Variants in C8B observed in about 807,000 individuals in gnomAD.
C8B encodes the protein complement C8 beta chain.
A neutral mutation model predicts 64.6 loss-of-function variants in C8B; 67 were observed. The observed-to-expected ratio is 1.04, with a 90% CI of 0.85 to 1.27. The LOEUF is 1.27. C8B is among the 50% of genes most tolerant of loss of function. The pLI, the probability that C8B is intolerant of heterozygous loss-of-function variation, is 0.00. For synonymous variants in C8B, 284 were observed against 257.7 expected (o/e 1.10, Z -0.98); for missense variants, 790 against 725.2 (o/e 1.09, Z -1.03).
intron 9 of C8B, among the ~76,000 whole-genome samples, chr1:56,937,005 C>A (rs1394444964): frequency 6.6e-6 from 1 of 152,168 alleles, no homozygotes; most frequent in Non-Finnish European, 1.5e-5. Flanking sequence ...TTAAGCACTC[C>A]CTGGACCAGA....
chr1:56,954,604 T>A, intron 4 of C8B, 82 bp downstream of exon 4: 1 of 1,550,582 alleles, frequency 6.4e-7, no homozygotes, highest in Middle Eastern at 1.7e-4. Flanking sequence ...TCTGTTTATA[T>A]CAGTTCTCTC....
Position 56,952,127 on chromosome 1 carries a change from T to C in C8B, c.587A>G (p.Tyr196Cys), listed in dbSNP as rs1645030928. The C allele has an allele frequency of 1.9e-6, 3 of 1,614,196 alleles. No individual in the cohort carries two copies. Among genetic ancestry groups the C allele is most frequent in the Non-Finnish European group, 2.5e-6 (3 of 1,180,018 alleles). ...GTAATGCGGGGAGCATCCACCTGCATAATACCTGTGATCAAGAACTGGGCC... is the reference window on the plus strand; with the variant it reads ...GTAATGCGGGGAGCATCCACCTGCACAATACCTGTGATCAAGAACTGGGCC... ...FEGPVLDHRY[Y>C]AGGCSPHYIL... The change falls in exon 5 of 12, where the codon TAT (tyrosine) becomes TGT (cysteine). Residue 196 changes from tyrosine to cysteine, a missense_variant. By Grantham distance (194) the Tyr-to-Cys change is radical. Coordinates refer to ENST00000371237, the MANE Select transcript of C8B (RefSeq NM_000066.4).
At chr1:56,954,508 C>T (rs1436512803) in intron 4 of C8B, among the ~76,000 whole-genome samples, 178 bp downstream of exon 4, 1 of 152,200 alleles carries the variant, frequency 6.6e-6, no homozygotes, top group African/African-American at 2.4e-5. Context: ...GGGACGTGTT[C>T]CTGGAGCTGC....
chr1:56,944,392 G>A (rs999245229), intron 7 of C8B, among the ~76,000 whole-genome samples: 6 of 152,080 alleles, frequency 3.9e-5, no homozygotes, highest in African/African-American at 1.2e-4. Flanking sequence ...AATTCCAGAC[G>A]TGACTTATAA....
At position 56,954,697 on chromosome 1, in the gene C8B, AC is replaced by A. The variant is rs1645076325; in HGVS notation, c.521del (p.Ser174IlefsTer6). On this transcript the variant is annotated frameshift_variant, in exon 4 of 12. Transcript: ENST00000371237. LOFTEE classifies it high-confidence loss of function. ...HEMDQYWGIG[S>X]LASGINLFTN... ...AAATGGTCACTTACCCACTGGCCAG[AC>A]TGCCAATTCCCCAGTATTGGTCCAT... The A allele has an allele frequency of 6.2e-7, 1 of 1,614,052 alleles. No homozygotes were observed. The highest frequency in any genetic ancestry group is 1.3e-5 in the African/African-American group (1 of 74,924).
At chr1:56,962,648 G>A (rs933441100) in intron 1 of C8B, among the ~76,000 whole-genome samples, 2 of 152,172 alleles carry the variant, frequency 1.3e-5, no homozygotes, top group African/African-American at 4.8e-5. Context: ...ATCCAGATTG[G>A]CAGTTGTTCA....
intron 7 of C8B, among the ~76,000 whole-genome samples, chr1:56,945,569 T>A (rs1037778317): frequency 8.5e-5 from 13 of 152,122 alleles, no homozygotes; most frequent in Admixed American, 4.6e-4. Flanking sequence ...GATCCAGGAA[T>A]TATCTGCATG....
intron 1 of C8B, among the ~76,000 whole-genome samples, chr1:56,964,343 C>T (rs1369472105): frequency 2.0e-5 from 3 of 152,142 alleles, no homozygotes; most frequent in African/African-American, 7.2e-5. Flanking sequence ...AGTTCCTTAG[C>T]TGGTACTCCA....
intron 10 of C8B, 78 bp from the exon 11 acceptor site, chr1:56,931,956 T>G (rs1644708352): frequency 1.0e-6 from 1 of 1,002,560 alleles, no homozygotes. Context: ...CTCCAATCAC[T>G]GCAGTTCCAT....
intron 1 of C8B, among the ~76,000 whole-genome samples, chr1:56,964,762 C>T (rs1458497906): frequency 6.6e-6 from 1 of 152,182 alleles, no homozygotes; most frequent in African/African-American, 2.4e-5. Flanking sequence ...CAGAGCCCAA[C>T]AGAAAGCTCC....
intron 9 of C8B, among the ~76,000 whole-genome samples, chr1:56,937,745 A>G (rs1244544116): frequency 6.7e-6 from 1 of 150,128 alleles, no homozygotes; most frequent in African/African-American, 2.5e-5. Flanking sequence ...TTCCTTATTT[A>G]CCTGAAATTC....
chr1:56,942,049 T>A (rs988309572), intron 8 of C8B, among the ~76,000 whole-genome samples: 5 of 152,264 alleles, frequency 3.3e-5, no homozygotes, highest in Non-Finnish European at 7.3e-5. Flanking sequence ...CTAATAATTA[T>A]TGATTATTTA....
intron 7 of C8B, among the ~76,000 whole-genome samples, chr1:56,944,811 C>G (rs1644917528): frequency 6.6e-6 from 1 of 152,184 alleles, no homozygotes; most frequent in South Asian, 2.1e-4. Flanking sequence ...ACCACGTGTC[C>G]TCTTGCAAGT....
At chr1:56,965,398 A>AGAGTGTGTGTGTGT (rs1553120321) in intron 1 of C8B, among the ~76,000 whole-genome samples, 54 of 142,678 alleles carry the variant, frequency 3.8e-4, no homozygotes, top group African/African-American at 1.3e-3. Flanking sequence ...AGAGAGAGAG[A>AGAGTGTGTGTGTGT]GTGTGTGTGT....
chr1:56,946,116 C>T (rs1644938729), intron 6 of C8B, 55 bp from the exon 7 acceptor site: 18 of 1,605,256 alleles, frequency 1.1e-5, no homozygotes, highest in Middle Eastern at 1.7e-4. Flanking sequence ...GAATCTGGAA[C>T]GAGAAGATGA....
intron 8 of C8B, among the ~76,000 whole-genome samples, chr1:56,941,337 A>G (rs1302495193): frequency 6.6e-6 from 1 of 152,206 alleles, no homozygotes; most frequent in Non-Finnish European, 1.5e-5. Context: ...ATAGGTAGGT[A>G]GATAGGTAGA....
intron 10 of C8B, among the ~76,000 whole-genome samples, chr1:56,932,615 T>C (rs540628636): frequency 1.2e-4 from 18 of 152,338 alleles, no homozygotes; most frequent in African/African-American, 4.3e-4. Context: ...ACTTCTAGGC[T>C]GTATGCTCTC....
chr1:56,932,163 G>A (rs761851004), intron 10 of C8B, among the ~76,000 whole-genome samples: 11 of 152,180 alleles, frequency 7.2e-5, no homozygotes, highest in Non-Finnish European at 4.4e-5. Context: ...AGTGTCAGAA[G>A]CTACATTAGC....
At position 56,949,604 on chromosome 1, in the gene C8B, C is replaced by T. The variant is rs779217317; in HGVS notation, c.815G>A (p.Ser272Asn). ...CCTAATATAGTGTTTGCCTCGATCA[C>T]TTTGACTACTGATGCCAAGTTCAAA... Reference protein sequence around the residue: ...GIFELGISSQSDRGKHYIRRT... With the variant: ...GIFELGISSQNDRGKHYIRRT... The change falls in exon 6 of 12, where the codon AGT (serine) becomes AAT (asparagine). Residue 272 changes from serine to asparagine, a missense_variant. Transcript: ENST00000371237. 24 of 1,614,092 alleles carry T rather than the reference C, an allele frequency of 1.5e-5. No individual in the cohort carries two copies. The highest frequency in any genetic ancestry group is 1.9e-5 in the Non-Finnish European group (23 of 1,179,976).
Sources: gnomAD v4.1 joint callset for allele counts (sites outside exome capture counted in the v4.1 genomes callset) on GRCh38, gnomAD v4.1.1 for gene constraint, MANE v1.5 for transcripts, NCBI Gene and HGNC (gene_info 2026-07-23, HGNC 2026-07-21) for gene names.